The following CIZ1 variants were observed in gnomAD, a reference collection of about 807,000 sequenced individuals.
The protein encoded by CIZ1 is cip1-interacting zinc finger protein.
CIZ1 carries 58 observed loss-of-function variants against 118.6 expected under a neutral mutation model. The observed-to-expected ratio is 0.49, with a 90% CI of 0.40 to 0.61. The LOEUF (loss-of-function observed/expected upper bound fraction) is 0.61, where lower values mean the gene tolerates loss of function less well. Among genes scored for constraint, CIZ1 ranks in the 20% least tolerant of loss-of-function variants. The pLI, the probability that CIZ1 is intolerant of heterozygous loss-of-function variation, is 0.00. For missense variants in CIZ1, 921 were observed against 1,115.9 expected (o/e 0.83, Z 2.49); for synonymous variants, 448 against 443.4 (o/e 1.01, Z -0.13).
In CIZ1 at chr9:128,190,335, A is replaced by G. The variant is rs751357364; in HGVS notation, c.280T>C (p.Leu94=). The stretch of plus-strand genomic sequence containing the variant: ...GGCCTGGGGCCATCCATACCTTGCA[A>G]CTGCTGTAAAAGCAAAGCTCTCTGC... ...MLQRALLLQQ[L]QGLDQFAMPP... Residue 94 remains leucine, a synonymous_variant, in exon 3 of 17, where the codon TTG becomes CTG. Transcript: ENST00000372938. 1.9e-6 allele frequency: 3 copies of G among 1,611,660 alleles called. No individual in the cohort carries two copies. The South Asian group carries it at 3.3e-5, about 18-fold the overall frequency.
upstream of CIZ1, among the ~76,000 whole-genome samples, chr9:128,192,777 A>T (rs1833250570): frequency 6.6e-6 from 1 of 152,212 alleles, no homozygotes; most frequent in African/African-American, 2.4e-5. Flanking sequence ...TCCTGACCTC[A>T]AGTGATTCGC....
intron 1 of CIZ1, chr9:128,197,574 C>A (rs1028823917): frequency 6.6e-6 from 1 of 152,252 alleles, no homozygotes; most frequent in Non-Finnish European, 1.5e-5. Flanking sequence ...CGAATGGGCA[C>A]GACCTTGTTG....
rs375899464 is a variant in CIZ1 at position 128,169,487 on chromosome 9, G to A, written c.2064C>T (p.Thr688=). Residue 688 remains threonine (T), a synonymous_variant, in exon 13 of 17, where the codon ACC becomes ACT. Transcript: ENST00000372938. ...GGGTTTTGAAGTAGCGGTTGCAAAC[G>A]GTGCAGAAGGGTCGCAAGGATTGTT... is the stretch of plus-strand genomic sequence containing the variant. ...IAKQSLRPFC[T]VCNRYFKTPR... 8.7e-6 allele frequency: 14 copies of A among 1,614,148 alleles called. No homozygotes were observed. In the African/African-American group the frequency reaches 1.1e-4, roughly 12 times the overall value.
chr9:128,189,770 A>G (rs967123498), intron 3 of CIZ1, among the ~76,000 whole-genome samples: 1 of 145,090 alleles, frequency 6.9e-6, no homozygotes, highest in Non-Finnish European at 1.5e-5. Context: ...CAGTGAGCCA[A>G]GATTGCACCA....
Position 128,166,167 on chromosome 9 carries a change from AG to A in CIZ1, c.*29del. 1 of 1,400,506 alleles carries A rather than the reference AG, an allele frequency of 7.1e-7. No homozygotes were observed. The highest frequency in any genetic ancestry group is 9.5e-7 in the Non-Finnish European group (1 of 1,054,492). The allele number at this position is 1,400,506 out of a possible 1,614,324, so 86.8% of individuals were successfully genotyped here. Reference sequence around the variant, plus strand: ...AAAAAGCATTAGCAGATCTGGACCCAGGCAGGCCAGGGACAGGGAGGTCCCT... The same window carrying A: ...AAAAAGCATTAGCAGATCTGGACCCAGCAGGCCAGGGACAGGGAGGTCCCT... On this transcript the variant is annotated 3_prime_UTR_variant, in exon 17 of 17. Coordinates refer to ENST00000372938, the MANE Select transcript of CIZ1 (RefSeq NM_001131016.2). This position sits in a 1 kb window ranked among gnomAD's most constrained non-coding sequence, Gnocchi z 4.4.
chr9:128,203,878 G>T lies in CIZ1; in HGVS notation c.-6+308C>A, dbSNP rs1395573651. 6.6e-6 allele frequency among the ~76,000 whole-genome samples: 1 copy of T among 150,662 alleles called. No individual in the cohort carries two copies. The highest frequency in any genetic ancestry group is 2.4e-5 in the African/African-American group (1 of 40,888). ...GCTACCGAATCACGCCCCCTCCTCCGTCCCATCCTTTAGGGCAGACAACGC... is the reference window on the plus strand; with the variant it reads ...GCTACCGAATCACGCCCCCTCCTCCTTCCCATCCTTTAGGGCAGACAACGC... On this transcript the variant is annotated intron_variant, in intron 1 of 17. Transcript: ENST00000372948. This position sits in a 1 kb window ranked among gnomAD's most constrained non-coding sequence, Gnocchi z 5.3.
Position 128,169,091 on chromosome 9 carries a change from ATCC to A in CIZ1, c.2253_2255del (p.Glu751del). On this transcript the variant is annotated inframe_deletion, in exon 14 of 17. Coordinates refer to ENST00000372938, the MANE Select transcript of CIZ1 (RefSeq NM_001131016.2). ...CCTCCTCAACCTCGATCTCTTCTTC[ATCC>A]TCATCATCCTCTTCCTCTTCTTCAT... is the stretch of plus-strand genomic sequence containing the variant. 6.2e-7 allele frequency: 1 copy of A among 1,613,844 alleles called. No homozygotes were observed.
intron 7 of CIZ1, among the ~76,000 whole-genome samples, chr9:128,179,977 C>T (rs1831369932): frequency 6.6e-6 from 1 of 152,212 alleles, no homozygotes; most frequent in Non-Finnish European, 1.5e-5. Context: ...CAGCCCAAGA[C>T]TTGGTTTCTA....
Position 128,166,159 on chromosome 9 carries a change from C to A in CIZ1, c.*38G>T. 7.3e-7 allele frequency: 1 copy of A among 1,370,036 alleles called. No individual in the cohort carries two copies. Among genetic ancestry groups the A allele is most frequent in the Non-Finnish European group, 9.7e-7 (1 of 1,030,128 alleles). The allele number at this position is 1,370,036 out of a possible 1,614,324, so 84.9% of individuals were successfully genotyped here. A position where few individuals can be genotyped will look rare whatever the true frequency, so the allele number is the denominator to read the frequency against. On this transcript the variant is annotated 3_prime_UTR_variant, in exon 17 of 17. Transcript: ENST00000372938. This position sits in a 1 kb window ranked among gnomAD's most constrained non-coding sequence, Gnocchi z 4.4. ...AGACTCCTAAAAAGCATTAGCAGAT[C>A]TGGACCCAGGCAGGCCAGGGACAGG...
upstream of CIZ1, chr9:128,191,706 G>C: frequency 7.6e-7 from 1 of 1,308,378 alleles, no homozygotes; most frequent in Non-Finnish European, 9.7e-7. This position sits in a 1 kb window ranked among gnomAD's most constrained non-coding sequence, Gnocchi z 5.5. Context: ...GCTAGCAGGT[G>C]CGAGGGGGTC....
At position 128,177,778 on chromosome 9, in the gene CIZ1, G is replaced by A; in HGVS notation, c.1621-15C>T. 6.4e-7 allele frequency: 1 copy of A among 1,560,936 alleles called. No individual in the cohort carries two copies. The highest frequency in any genetic ancestry group is 1.2e-5 in the South Asian group (1 of 84,650). On this transcript the variant is annotated splice_polypyrimidine_tract_variant and intron_variant, in intron 9 of 16. Coordinates refer to ENST00000372938, the MANE Select transcript of CIZ1 (RefSeq NM_001131016.2). ...GCGCCCCATACCTGCATGGGGAGTA[G>A]GAACTGAACTTCCATCAACTGTGTA...
At chr9:128,182,325 C>T (rs748966272) in intron 5 of CIZ1, among the ~76,000 whole-genome samples, 12 of 152,154 alleles carry the variant, frequency 7.9e-5, no homozygotes, top group Admixed American at 2.6e-4. Context: ...CAGGGAGAGA[C>T]GCACCGACCC....
At chr9:128,186,475 C>T (rs1832389563) in intron 4 of CIZ1, among the ~76,000 whole-genome samples, 1 of 152,196 alleles carries the variant, frequency 6.6e-6, no homozygotes, top group Non-Finnish European at 1.5e-5. Context: ...TCCATCCCCA[C>T]TCCCACTCCC....
At chr9:128,182,608 G>A (rs1206280290) in intron 5 of CIZ1, among the ~76,000 whole-genome samples, 5 of 152,024 alleles carry the variant, frequency 3.3e-5, no homozygotes, top group African/African-American at 9.7e-5. Flanking sequence ...ACCTGCCCCG[G>A]CCATGCCCCC....
intron 5 of CIZ1, among the ~76,000 whole-genome samples, chr9:128,181,774 G>T (rs950344526): frequency 1.3e-5 from 2 of 151,706 alleles, no homozygotes; most frequent in African/African-American, 4.8e-5. Flanking sequence ...CGGGGGGGGG[G>T]GGGGGGTCTC....
intron 5 of CIZ1, among the ~76,000 whole-genome samples, chr9:128,183,959 G>A (rs1588212863): frequency 6.6e-6 from 1 of 152,130 alleles, no homozygotes; most frequent in African/African-American, 2.4e-5. Context: ...GTAGAGACGG[G>A]GTTTCACCAT....
intron 11 of CIZ1, among the ~76,000 whole-genome samples, chr9:128,174,643 G>T (rs1292026016): frequency 2.0e-5 from 3 of 151,968 alleles, no homozygotes; most frequent in African/African-American, 7.3e-5. Context: ...CGTAGGTAGG[G>T]ACTGGAGGGA....
chr9:128,190,870 CAG>C lies in CIZ1; in HGVS notation c.-5-10_-5-9del. On this transcript the variant is annotated splice_polypyrimidine_tract_variant and intron_variant, in intron 1 of 16. Coordinates refer to ENST00000372938, the MANE Select transcript of CIZ1 (RefSeq NM_001131016.2). ...GCTGGCTGAACATGGTGGCTAGGGG[CAG>C]AAAGCAGAGTGAGGCAAGGGGTCCC... is the stretch of plus-strand genomic sequence containing the variant. 1 of 1,533,552 alleles carries C rather than the reference CAG, an allele frequency of 6.5e-7. No individual in the cohort carries two copies. Among genetic ancestry groups the C allele is most frequent in the Non-Finnish European group, 8.7e-7 (1 of 1,144,162 alleles). The allele number at this position is 1,533,552 out of a possible 1,614,324, so 95.0% of individuals were successfully genotyped here.
chr9:128,167,984 G>A (rs988071849), intron 14 of CIZ1, among the ~76,000 whole-genome samples: 6 of 152,190 alleles, frequency 3.9e-5, no homozygotes, highest in Non-Finnish European at 7.4e-5. Context: ...CAATGAAGCT[G>A]GGCCTCATAC....
Sources: gnomAD v4.1 joint callset for allele counts (sites outside exome capture counted in the v4.1 genomes callset) on GRCh38, gnomAD v4.1.1 for gene constraint, Gnocchi (gnomAD v3.1) non-coding constraint, MANE v1.5 for transcripts, NCBI Gene and HGNC (gene_info 2026-07-23, HGNC 2026-07-21) for gene names.